The following UNC5B variants were observed in gnomAD, a reference collection of about 807,000 sequenced individuals.
The protein encoded by UNC5B is unc-5 netrin receptor B.
In UNC5B, 56 loss-of-function variants were observed where a neutral mutation model predicts 103.7. That is an observed-to-expected ratio of 0.54 (90% CI 0.44 to 0.67). The LOEUF (loss-of-function observed/expected upper bound fraction) is 0.67, where lower values mean the gene tolerates loss of function less well. Among genes scored for constraint, UNC5B ranks in the 30% least tolerant of loss-of-function variants. The probability of loss-of-function intolerance (pLI) is 0.00; values close to 1 mark genes in which losing one functional copy is unlikely to be tolerated. For synonymous variants in UNC5B, 577 were observed against 542.0 expected (o/e 1.06, Z -0.90); for missense variants, 1,194 against 1,284.5 (o/e 0.93, Z 1.08).
chr10:71,246,550 G>A (rs1160807763), intron 1 of UNC5B, among the ~76,000 whole-genome samples: 2 of 152,102 alleles, frequency 1.3e-5, no homozygotes, highest in African/African-American at 4.8e-5. Context: ...GTGGGTACAG[G>A]ATTGGTGAGT....
intron 16 of UNC5B, among the ~76,000 whole-genome samples, chr10:71,298,348 G>A (rs1442937583): frequency 1.3e-5 from 2 of 152,142 alleles, no homozygotes; most frequent in Non-Finnish European, 2.9e-5. Context: ...CATTGTGTGG[G>A]GATAATGCTC....
At chr10:71,260,401 A>G (rs947808105) in intron 1 of UNC5B, among the ~76,000 whole-genome samples, 4 of 152,198 alleles carry the variant, frequency 2.6e-5, no homozygotes, top group Non-Finnish European at 5.9e-5. Context: ...GGTGTGGCCC[A>G]TAGTCCCGCT....
At chr10:71,243,334 G>A (rs1213001344) in intron 1 of UNC5B, among the ~76,000 whole-genome samples, 1 of 152,132 alleles carries the variant, frequency 6.6e-6, no homozygotes, top group Admixed American at 6.5e-5. Context: ...AGTGGGGGCT[G>A]TCACACCTTC....
At chr10:71,233,067 C>T (rs12248805) in intron 1 of UNC5B, among the ~76,000 whole-genome samples, 33,631 of 152,172 alleles carry the variant, frequency 0.22, 4,527 homozygotes, top group Non-Finnish European at 0.31. Flanking sequence ...TCTACTTCCA[C>T]AGCACTTGTC....
At chr10:71,290,058 G>A (rs1028670846) in intron 8 of UNC5B, among the ~76,000 whole-genome samples, 2 of 152,212 alleles carry the variant, frequency 1.3e-5, no homozygotes, top group Non-Finnish European at 2.9e-5. Flanking sequence ...TCCCTGAACT[G>A]CCCAGTGTGA....
chr10:71,274,358 C>CA (rs1195363641), intron 1 of UNC5B, among the ~76,000 whole-genome samples: 9 of 147,346 alleles, frequency 6.1e-5, no homozygotes, highest in South Asian at 2.2e-4. Context: ...GACTCTGTCT[C>CA]AAAAAAAAAA....
chr10:71,269,676 C>T (rs1589180489), intron 1 of UNC5B, among the ~76,000 whole-genome samples: 1 of 152,090 alleles, frequency 6.6e-6, no homozygotes, highest in East Asian at 1.9e-4. Context: ...ACAAGATTCC[C>T]AGGCCCTCAA....
chr10:71,253,354 G>A (rs1228895616), intron 1 of UNC5B, among the ~76,000 whole-genome samples: 1 of 152,234 alleles, frequency 6.6e-6, no homozygotes, highest in Non-Finnish European at 1.5e-5. Flanking sequence ...CCGAGTTTGG[G>A]TGTCCTTCCC....
chr10:71,244,556 C>G (rs1209693054), intron 1 of UNC5B, among the ~76,000 whole-genome samples: 2 of 152,190 alleles, frequency 1.3e-5, no homozygotes, highest in African/African-American at 4.8e-5. Flanking sequence ...CTAAGTTTGC[C>G]CCTACTCAGG....
intron 15 of UNC5B, among the ~76,000 whole-genome samples, 190 bp downstream of exon 15, chr10:71,296,932 C>T (rs999583797): frequency 6.8e-6 from 1 of 146,874 alleles, no homozygotes; most frequent in Non-Finnish European, 1.5e-5. Context: ...CTGCACACCA[C>T]GCTGGCGGAG....
chr10:71,275,583 A>T (rs1160625501), intron 1 of UNC5B, among the ~76,000 whole-genome samples: 1 of 152,240 alleles, frequency 6.6e-6, no homozygotes, highest in African/African-American at 2.4e-5. Context: ...TTCTAGTATC[A>T]GATCACCTGA....
At chr10:71,274,110 C>A (rs1181336920) in intron 1 of UNC5B, among the ~76,000 whole-genome samples, 1 of 152,194 alleles carries the variant, frequency 6.6e-6, no homozygotes, top group Non-Finnish European at 1.5e-5. Context: ...TGCCTGTAAT[C>A]CCAGCACTTT....
At chr10:71,283,451 T>G (rs777833239) in intron 2 of UNC5B, among the ~76,000 whole-genome samples, 8 of 152,174 alleles carry the variant, frequency 5.3e-5, no homozygotes, top group Non-Finnish European at 1.0e-4. Context: ...AGCTGGGGTT[T>G]GAGGGTGGGG....
At chr10:71,222,758 A>G (rs1172762538) in intron 1 of UNC5B, among the ~76,000 whole-genome samples, 1 of 152,148 alleles carries the variant, frequency 6.6e-6, no homozygotes, top group South Asian at 2.1e-4. Flanking sequence ...TTCTGCTGAG[A>G]TCACCCAGGA....
rs115967008 is a variant in UNC5B at position 71,265,654 on chromosome 10, A to G, written c.80-14167A>G. Among the ~76,000 whole-genome samples, 1,336 of 152,172 alleles carry G rather than the reference A, an allele frequency of 8.8e-3. 25 individuals are homozygous for G. The highest frequency in any genetic ancestry group is 0.02 in the Middle Eastern group (6 of 294). On this transcript the variant is annotated intron_variant, in intron 1 of 16. Coordinates refer to ENST00000335350, the MANE Select transcript of UNC5B (RefSeq NM_170744.5). ...CTTCCCCTCCACCCGTGTGTTTTCAATGGTGATTGGAGGCCTCAGGGGAGC... is the reference window on the plus strand; with the variant it reads ...CTTCCCCTCCACCCGTGTGTTTTCAGTGGTGATTGGAGGCCTCAGGGGAGC...
In UNC5B at chr10:71,279,876, G is replaced by T. The variant is rs767338352; in HGVS notation, c.135G>T (p.Glu45Asp). Residue 45 changes from glutamate to aspartate, a missense_variant, in exon 2 of 17, where the codon GAG becomes GAT. By Grantham distance (45) the Glu-to-Asp change is conservative (BLOSUM62 2). Coordinates refer to ENST00000335350, the MANE Select transcript of UNC5B (RefSeq NM_170744.5). ...ACTCCTTCCCGTCAGCGCCAGCAGA[G>T]CCGCTGCCCTACTTCCTGCAGGAGC... ...LPDSFPSAPA[E>D]PLPYFLQEPQ... The T allele has an allele frequency of 6.2e-7, 1 of 1,613,820 alleles. No homozygotes were observed. Among genetic ancestry groups the T allele is most frequent in the Non-Finnish European group, 8.5e-7 (1 of 1,179,982 alleles).
At chr10:71,294,970 T>C (rs1845369126) in intron 13 of UNC5B, among the ~76,000 whole-genome samples, 1 of 152,060 alleles carries the variant, frequency 6.6e-6, no homozygotes, top group Admixed American at 6.6e-5. Context: ...CCCCTTCCCC[T>C]CCCTCCTCCC....
chr10:71,294,432 G>A (rs1009014091), intron 13 of UNC5B, among the ~76,000 whole-genome samples: 13 of 152,296 alleles, frequency 8.5e-5, no homozygotes, highest in African/African-American at 2.4e-4. Context: ...GAATCCATCC[G>A]GCAGGAAGGG....
chr10:71,288,883 T>C, intron 7 of UNC5B, 75 bp from the exon 8 acceptor site: 2 of 1,580,736 alleles, frequency 1.3e-6, no homozygotes, highest in Non-Finnish European at 1.7e-6. Flanking sequence ...TCTCATCTCA[T>C]CCTTCCCATT....
Sources: gnomAD v4.1 joint callset for allele counts (sites outside exome capture counted in the v4.1 genomes callset) on GRCh38, gnomAD v4.1.1 for gene constraint, MANE v1.5 for transcripts, NCBI Gene and HGNC (gene_info 2026-07-23, HGNC 2026-07-21) for gene names.